The following KIF1B variants were observed in gnomAD, a reference collection of about 807,000 sequenced individuals.
KIF1B encodes kinesin-like protein KIF1B.
Under a neutral mutation model 241.9 loss-of-function variants are expected in KIF1B, and 76 were observed. That is an observed-to-expected ratio of 0.31 (90% CI 0.26 to 0.38). The LOEUF is 0.38. Among genes scored for constraint, KIF1B ranks in the 10% least tolerant of loss-of-function variants. KIF1B has a pLI of 1.00. For synonymous variants in KIF1B, 750 were observed against 796.7 expected (o/e 0.94, Z 0.99); for missense variants, 1,622 against 2,271.4 (o/e 0.71, Z 5.81).
chr1:10,292,446 T>C (rs142088935), intron 17 of KIF1B: 132 of 313,294 alleles, frequency 4.2e-4, no homozygotes, highest in African/African-American at 2.1e-3. Context: ...ACTTTCAGTT[T>C]TGGCTACTCT....
Position 10,375,308 on chromosome 1 carries a change from C to T in KIF1B, c.5343C>T (p.Ala1781=). ...AGCACCGTGGGGTCCTTTTGCAGGC[C>T]CTCAATGACAAAGACATGAACGACT... ...CTKHRGVLLQ[A]LNDKDMNDWL... Residue 1781 remains alanine, a synonymous_variant, in exon 48 of 49, where the codon GCC becomes GCT. Transcript: ENST00000676179. 6.2e-7 allele frequency: 1 copy of T among 1,614,132 alleles called. No homozygotes were observed. The highest frequency in any genetic ancestry group is 8.5e-7 in the Non-Finnish European group (1 of 1,180,022).
intron 36 of KIF1B, 131 bp downstream of exon 36, chr1:10,347,958 AT>A (rs778525309): frequency 0.13 from 67,170 of 529,924 alleles, 71 homozygotes; most frequent in Non-Finnish European, 0.14. Flanking sequence ...TCCTGTTGTC[AT>A]TTTTTTTTTT....
intron 1 of KIF1B, among the ~76,000 whole-genome samples, chr1:10,217,504 A>G (rs1002534235): frequency 2.0e-5 from 3 of 151,270 alleles, no homozygotes; most frequent in Admixed American, 6.6e-5. Context: ...TTTAGTAGAG[A>G]CGGTGTTTCA....
At chr1:10,363,570 G>A (rs1569903697) in intron 41 of KIF1B, among the ~76,000 whole-genome samples, 1 of 152,100 alleles carries the variant, frequency 6.6e-6, no homozygotes, top group African/African-American at 2.4e-5. Context: ...GCGCGTGCCT[G>A]TAATCCCAGC....
intron 22 of KIF1B, chr1:10,307,784 A>G (rs1218145921): frequency 9.6e-6 from 10 of 1,037,740 alleles, no homozygotes; most frequent in Non-Finnish European, 1.0e-5. Flanking sequence ...CATTAATGGG[A>G]ATATAGAGGA....
intron 8 of KIF1B, 22 bp downstream of exon 8, chr1:10,271,601 TG>T (rs763051517): frequency 1.8e-5 from 28 of 1,540,718 alleles, no homozygotes; most frequent in Admixed American, 1.0e-4. Flanking sequence ...AGCAAATAAA[TG>T]GCCTGATCAA....
At chr1:10,294,405 G>GT (rs1650157067) in intron 17 of KIF1B, among the ~76,000 whole-genome samples, 1 of 151,562 alleles carries the variant, frequency 6.6e-6, no homozygotes, top group African/African-American at 2.4e-5. Flanking sequence ...GTGGGAAGTG[G>GT]TGGGGGGGTA....
At chr1:10,213,340 C>T (rs916898878) in intron 1 of KIF1B, among the ~76,000 whole-genome samples, 2 of 152,138 alleles carry the variant, frequency 1.3e-5, no homozygotes, top group African/African-American at 4.8e-5. Flanking sequence ...AGGCTTAGAA[C>T]AGACTGTTTT....
At chr1:10,361,669 G>T in intron 39 of KIF1B, 23 bp from the exon 40 acceptor site, 1 of 1,613,014 alleles carries the variant, frequency 6.2e-7, no homozygotes. Flanking sequence ...CACTTCATCA[G>T]CACCTACCCT....
chr1:10,278,998 C>A, intron 13 of KIF1B, 99 bp from the exon 14 acceptor site: 1 of 712,566 alleles, frequency 1.4e-6, no homozygotes, highest in Non-Finnish European at 2.4e-6. Context: ...TTAACTTTTC[C>A]ATCTCCCCAA....
Position 10,365,929 on chromosome 1 carries a change from C to G in KIF1B, c.4752+281C>G, listed in dbSNP as rs1306189310. 6.6e-6 allele frequency among the ~76,000 whole-genome samples: 1 copy of G among 152,070 alleles called. No homozygotes were observed. Among genetic ancestry groups the G allele is most frequent in the Non-Finnish European group, 1.5e-5 (1 of 68,002 alleles). On this transcript the variant is annotated intron_variant, in intron 43 of 48. Transcript: ENST00000676179. This position sits in a 1 kb window ranked among gnomAD's most constrained non-coding sequence, Gnocchi z 4.0. ...CCAGGCTAACATAGTGAGACCTTGT[C>G]TCTACAAAAACAAAAATTAGGCCAG...
chr1:10,266,680 G>A (rs748606177), intron 5 of KIF1B, among the ~76,000 whole-genome samples: 1 of 152,168 alleles, frequency 6.6e-6, no homozygotes, highest in Non-Finnish European at 1.5e-5. Context: ...TTATTTCCGA[G>A]TTCTTGGAGT....
rs1484916507 is a variant in KIF1B, at chr1:10,258,663, C to T, written c.354C>T (p.Ile118=). The T allele has an allele frequency of 1.2e-6, 2 of 1,614,086 alleles. No homozygotes were observed. Among genetic ancestry groups the T allele is most frequent in the Non-Finnish European group, 1.7e-6 (2 of 1,179,980 alleles). The change falls in exon 4 of 49, where the codon ATC becomes ATT. Residue 118 remains isoleucine (I), a synonymous_variant. Transcript: ENST00000676179. ...AACAAGAAGAAAGCCAGGCTGGCAT[C>T]ATTCCACAGGTGAAAAACAAAACAA... ...MGKQEESQAG[I]IPQLCEELFE...
intron 2 of KIF1B, among the ~76,000 whole-genome samples, chr1:10,254,197 T>C (rs959929984): frequency 3.9e-5 from 6 of 152,392 alleles, no homozygotes; most frequent in East Asian, 1.9e-4. Context: ...CCCTGAAATA[T>C]AGTGTGACTG....
chr1:10,221,317 C>T (rs184379400), intron 1 of KIF1B, among the ~76,000 whole-genome samples: 8 of 151,802 alleles, frequency 5.3e-5, no homozygotes, highest in African/African-American at 1.7e-4. Context: ...AGGCTGGTCT[C>T]GAACTCCTGA....
Position 10,342,080 on chromosome 1 carries a change from G to T in KIF1B, c.3544G>T (p.Asp1182Tyr). The T allele has an allele frequency of 6.2e-7, 1 of 1,612,392 alleles. No homozygotes were observed. Residue 1182 changes from aspartate to tyrosine, a missense_variant, in exon 33 of 49, where the codon GAT (aspartate) becomes TAT (tyrosine). By Grantham distance (160) the Asp-to-Tyr change is radical (BLOSUM62 -3). This residue lies in a region of KIF1B where 803 missense variants were observed against 1,112.0 expected (regional missense o/e 0.72). Transcript: ENST00000676179. ...AGTGGAGATCACTGAATCATTTGTG[G>T]ATTACATCAAAACCAAGCCTATTGT... Reference protein sequence around the residue: ...IAVEITESFVDYIKTKPIVFE... With the variant: ...IAVEITESFVYYIKTKPIVFE...
At chr1:10,272,524 C>T (rs1177743231) in intron 9 of KIF1B, 3 of 617,150 alleles carry the variant, frequency 4.9e-6, no homozygotes, top group Non-Finnish European at 8.8e-6. Context: ...AAATATAGAT[C>T]TGTAAAAACT....
rs1274192292 is a variant in KIF1B, at chr1:10,347,803, C to T, written c.3840C>T (p.Cys1280=). ...AVVDHTAGLP[C]QGTFLLHQGI... ...TTGACCACACAGCAGGCTTGCCTTGCCAGGGGACATTTTTGCTTCATCAGG... is the reference window on the plus strand; with the variant it reads ...TTGACCACACAGCAGGCTTGCCTTGTCAGGGGACATTTTTGCTTCATCAGG... Residue 1280 remains cysteine, a synonymous_variant, in exon 36 of 49, where the codon TGC becomes TGT. Transcript: ENST00000676179. 1.9e-6 allele frequency: 3 copies of T among 1,613,264 alleles called. No individual in the cohort carries two copies. The highest frequency in any genetic ancestry group is 2.5e-6 in the Non-Finnish European group (3 of 1,179,334).
At chr1:10,325,029 C>T in intron 26 of KIF1B, 134 bp downstream of exon 26, 2 of 908,800 alleles carry the variant, frequency 2.2e-6, no homozygotes, top group Non-Finnish European at 3.5e-6. Context: ...ATCTTATCCA[C>T]TCACAACCAC....
Sources: allele counts gnomAD v4.1 joint callset (sites outside exome capture counted in the v4.1 genomes callset), GRCh38; gene constraint gnomAD v4.1.1; regional missense constraint gnomAD v4.1.1; non-coding constraint Gnocchi (gnomAD v3.1); transcripts MANE v1.5; gene names NCBI Gene and HGNC (gene_info 2026-07-23, HGNC 2026-07-21).